Variants in CDC14B observed in about 807,000 individuals in gnomAD.
CDC14B encodes the protein cell division cycle 14B, also known as dual specificity protein phosphatase CDC14B.
CDC14B carries 22 observed loss-of-function variants against 64.2 expected under a neutral mutation model. The ratio of observed to expected loss-of-function variants is 0.34; its 90% CI spans 0.24 to 0.49. The LOEUF (loss-of-function observed/expected upper bound fraction) is 0.49, where lower values mean the gene tolerates loss of function less well. CDC14B is among the 20% of genes least tolerant of loss of function. CDC14B has a pLI of 0.99. For synonymous variants in CDC14B, 191 were observed against 215.8 expected, an observed-to-expected ratio of 0.89 and a Z score of 1.01; for missense variants, 498 against 629.9, an observed-to-expected ratio of 0.79 and a Z score of 2.24.
At chr9:96,539,480 C>T (rs1839744666) in intron 6 of CDC14B, among the ~76,000 whole-genome samples, 1 of 152,128 alleles carries the variant, frequency 6.6e-6, no homozygotes, top group African/African-American at 2.4e-5. Context: ...ATCACTACCA[C>T]CCCTGGCTGA....
intron 1 of CDC14B, among the ~76,000 whole-genome samples, chr9:96,571,479 T>C (rs986453667): frequency 5.2e-4 from 79 of 152,192 alleles, no homozygotes; most frequent in African/African-American, 1.9e-3. Flanking sequence ...TGGGCTATAA[T>C]GAATAATTTT....
intron 5 of CDC14B, among the ~76,000 whole-genome samples, chr9:96,551,279 G>T (rs1252258109): frequency 6.6e-6 from 1 of 151,816 alleles, no homozygotes; most frequent in Non-Finnish European, 1.5e-5. Flanking sequence ...ACCACGCCTG[G>T]CTAATTTTTT....
chr9:96,581,507 A>C (rs1203045783), intron 1 of CDC14B, among the ~76,000 whole-genome samples: 1 of 150,780 alleles, frequency 6.6e-6, no homozygotes, highest in Non-Finnish European at 1.5e-5. Context: ...AAATTTAAAA[A>C]ATTAATTTAA....
intron 4 of CDC14B, chr9:96,562,446 A>G (rs1438482088): frequency 4.7e-6 from 2 of 423,374 alleles, no homozygotes; most frequent in South Asian, 4.4e-5. Flanking sequence ...TTAAAAAAAT[A>G]TAGGCTTTTT....
intron 5 of CDC14B, among the ~76,000 whole-genome samples, chr9:96,546,970 G>C (rs1841001461): frequency 6.6e-6 from 1 of 152,018 alleles, no homozygotes; most frequent in Non-Finnish European, 1.5e-5. Context: ...GCTGAGGCAG[G>C]AGAATGGCGT....
chr9:96,496,966 G>C (rs1260993464), downstream of CDC14B, among the ~76,000 whole-genome samples: 1 of 152,258 alleles, frequency 6.6e-6, no homozygotes, highest in African/African-American at 2.4e-5. Context: ...GCGGGTGCCA[G>C]GACGCCAGAC....
chr9:96,531,384 T>C (rs182805437), intron 9 of CDC14B, among the ~76,000 whole-genome samples: 33 of 152,292 alleles, frequency 2.2e-4, no homozygotes, highest in Non-Finnish European at 1.5e-5. Context: ...TTCTAGGAAT[T>C]TGTCCATTTC....
intron 1 of CDC14B, among the ~76,000 whole-genome samples, chr9:96,591,593 G>C (rs1038262718): frequency 6.6e-6 from 1 of 151,840 alleles, no homozygotes; most frequent in African/African-American, 2.4e-5. Context: ...TAAATTTTAG[G>C]ATTATTTTTC....
intron 12 of CDC14B, chr9:96,514,638 AC>A (rs1835367859): frequency 1.0e-6 from 1 of 985,304 alleles, no homozygotes; most frequent in Non-Finnish European, 1.2e-6. Flanking sequence ...CTTGCAAGGA[AC>A]TTTTGCATTC....
intron 1 of CDC14B, among the ~76,000 whole-genome samples, chr9:96,618,272 T>C (rs1395380262): frequency 6.6e-6 from 1 of 152,114 alleles, no homozygotes; most frequent in African/African-American, 2.4e-5. Flanking sequence ...CGCACCGAGG[T>C]TGACACATTC....
chr9:96,512,372 G>C (rs1311999674), intron 12 of CDC14B, among the ~76,000 whole-genome samples: 1 of 148,952 alleles, frequency 6.7e-6, no homozygotes, highest in Non-Finnish European at 1.5e-5. Flanking sequence ...CTGTTGCCCA[G>C]GCTGGAGTGC....
intron 13 of CDC14B, among the ~76,000 whole-genome samples, chr9:96,507,763 C>T (rs1011180879): frequency 6.6e-6 from 1 of 152,016 alleles, no homozygotes; most frequent in African/African-American, 2.4e-5. Context: ...AAAACACTCC[C>T]ATTTCCCTTC....
intron 1 of CDC14B, among the ~76,000 whole-genome samples, chr9:96,596,087 G>A (rs967442997): frequency 2.0e-5 from 3 of 152,058 alleles, no homozygotes; most frequent in Non-Finnish European, 4.4e-5. Context: ...AAAAAGGCTG[G>A]GCATGATGGC....
At chr9:96,607,311 T>G (rs938067250) in intron 1 of CDC14B, among the ~76,000 whole-genome samples, 4 of 151,856 alleles carry the variant, frequency 2.6e-5, no homozygotes, top group African/African-American at 9.7e-5. Flanking sequence ...TTGAGGTATT[T>G]CTTCCTTTTC....
intron 5 of CDC14B, among the ~76,000 whole-genome samples, chr9:96,546,279 A>C (rs1840816894): frequency 6.6e-6 from 1 of 152,188 alleles, no homozygotes; most frequent in South Asian, 2.1e-4. Context: ...CATAGACATT[A>C]CATATGTGAA....
In CDC14B at chr9:96,565,375, T is replaced by A. The variant is rs1843763830; in HGVS notation, c.251+18A>T. On this transcript the variant is annotated intron_variant, in intron 2 of 13. Coordinates refer to ENST00000375241, the MANE Select transcript of CDC14B (RefSeq NM_033331.4). ...TTCAAAAACAAAAAGTTAAAATCTT[T>A]TAAAGAGCAATACTTACTTCTCATA... The A allele has an allele frequency of 2.1e-6, 3 of 1,463,036 alleles. No homozygotes were observed. Among genetic ancestry groups the A allele is most frequent in the Non-Finnish European group, 2.9e-6 (3 of 1,047,922 alleles). The allele number at this position is 1,463,036 out of a possible 1,614,324, so 90.6% of individuals were successfully genotyped here.
intron 12 of CDC14B, among the ~76,000 whole-genome samples, chr9:96,519,769 G>A (rs1050104451): frequency 1.7e-4 from 25 of 149,314 alleles, no homozygotes; most frequent in South Asian, 4.3e-4. Flanking sequence ...ACCAATCATT[G>A]GAATAATATT....
At chr9:96,516,287 C>T (rs1369299036) in intron 12 of CDC14B, among the ~76,000 whole-genome samples, 1 of 152,130 alleles carries the variant, frequency 6.6e-6, no homozygotes, top group Admixed American at 6.6e-5. Context: ...GTTACTAACT[C>T]CTGAGCCATC....
intron 6 of CDC14B, among the ~76,000 whole-genome samples, chr9:96,540,111 A>G (rs1230931120): frequency 6.6e-6 from 1 of 152,246 alleles, no homozygotes; most frequent in African/African-American, 2.4e-5. Context: ...AATATATTTC[A>G]TGATTTTGGA....
Sources: allele counts gnomAD v4.1 joint callset (sites outside exome capture counted in the v4.1 genomes callset), GRCh38; gene constraint gnomAD v4.1.1; transcripts MANE v1.5; gene names NCBI Gene and HGNC (gene_info 2026-07-23, HGNC 2026-07-21).